Variants in THSD7B observed in about 807,000 individuals in gnomAD.
THSD7B encodes the protein thrombospondin type 1 domain containing 7B.
Under a neutral mutation model 213.6 loss-of-function variants are expected in THSD7B, and 138 were observed. The observed-to-expected ratio is 0.65, with a 90% CI of 0.56 to 0.74. The LOEUF (loss-of-function observed/expected upper bound fraction) is 0.74, where lower values mean the gene tolerates loss of function less well. Among genes scored for constraint, THSD7B ranks in the 30% least tolerant of loss-of-function variants. The pLI is 0.00. For missense variants in THSD7B, 1,931 were observed against 1,991.5 expected, an observed-to-expected ratio of 0.97 and a Z score of 0.58; for synonymous variants, 742 against 687.0, an observed-to-expected ratio of 1.08 and a Z score of -1.25.
intron 6 of THSD7B, among the ~76,000 whole-genome samples, chr2:137,160,632 T>A (rs1209337248): frequency 2.6e-5 from 4 of 152,168 alleles, no homozygotes; most frequent in Non-Finnish European, 4.4e-5. Flanking sequence ...TTTGTTTTGT[T>A]TTGTTTTCCA....
At chr2:137,237,697 G>A (rs940764370) in intron 9 of THSD7B, among the ~76,000 whole-genome samples, 4 of 152,144 alleles carry the variant, frequency 2.6e-5, no homozygotes, top group Non-Finnish European at 5.9e-5. Flanking sequence ...GGAGAACCTA[G>A]GTTCCTAATA....
intron 14 of THSD7B, among the ~76,000 whole-genome samples, chr2:137,430,636 C>T (rs1314839078): frequency 6.6e-6 from 1 of 152,232 alleles, no homozygotes; most frequent in African/African-American, 2.4e-5. Context: ...GCTGTCAAGA[C>T]ATTGCCGCTT....
At chr2:137,438,781 C>T (rs186201783) in intron 14 of THSD7B, among the ~76,000 whole-genome samples, 8 of 152,120 alleles carry the variant, frequency 5.3e-5, no homozygotes, top group Admixed American at 4.6e-4. Flanking sequence ...AATTTTGTCC[C>T]CACAAAAGAT....
chr2:137,288,515 A>G (rs924251113), intron 12 of THSD7B, among the ~76,000 whole-genome samples: 4 of 152,062 alleles, frequency 2.6e-5, no homozygotes, highest in Admixed American at 6.6e-5. Context: ...TTGAGAGCCT[A>G]TAACAGAAGA....
chr2:137,303,472 CTTTAT>C (rs1683657205), intron 12 of THSD7B, among the ~76,000 whole-genome samples: 1 of 151,080 alleles, frequency 6.6e-6, no homozygotes, highest in South Asian at 2.1e-4. Flanking sequence ...ATTTCAAATG[CTTTAT>C]TTTATTTTAA....
chr2:136,989,159 C>G (rs149093286), intron 2 of THSD7B, among the ~76,000 whole-genome samples: 1 of 152,244 alleles, frequency 6.6e-6, no homozygotes, highest in Admixed American at 6.5e-5. Context: ...GATGGGTATT[C>G]CCAGTAGAAG....
intron 15 of THSD7B, among the ~76,000 whole-genome samples, chr2:137,470,330 T>C (rs945455343): frequency 6.6e-6 from 1 of 152,202 alleles, no homozygotes; most frequent in African/African-American, 2.4e-5. Flanking sequence ...TTGTCCTTAC[T>C]ATACTTGCTG....
intron 1 of THSD7B, among the ~76,000 whole-genome samples, chr2:136,824,368 C>G (rs192381325): frequency 3.3e-5 from 5 of 151,722 alleles, no homozygotes; most frequent in Admixed American, 3.3e-4. Flanking sequence ...TATAAGCTCC[C>G]TTTGATTATT....
At chr2:137,094,743 T>G (rs1255363615) in intron 3 of THSD7B, 130 bp from the exon 4 acceptor site, 1 of 1,197,358 alleles carries the variant, frequency 8.4e-7, no homozygotes, top group Non-Finnish European at 1.2e-6. Flanking sequence ...GTCTCTAAAA[T>G]TTTTTAAAAA....
intron 7 of THSD7B, among the ~76,000 whole-genome samples, chr2:137,210,966 A>G (rs933206948): frequency 6.6e-6 from 1 of 152,048 alleles, no homozygotes; most frequent in Admixed American, 6.6e-5. Context: ...AAATGTATTC[A>G]TAATAGAGCT....
At chr2:136,890,541 C>CTTT (rs778818497) in intron 2 of THSD7B, among the ~76,000 whole-genome samples, 2 of 49,868 alleles carry the variant, frequency 4.0e-5, no homozygotes, top group African/African-American at 1.6e-4. Flanking sequence ...TCTTCTTCTT[C>CTTT]TTTTTTTTTT....
At chr2:137,326,584 G>A (rs1036779704) in intron 12 of THSD7B, among the ~76,000 whole-genome samples, 10 of 152,242 alleles carry the variant, frequency 6.6e-5, no homozygotes, top group Non-Finnish European at 8.8e-5. Flanking sequence ...TTAAAAACTC[G>A]TGAAATCTAC....
At chr2:137,489,023 A>G (rs777446172) in intron 15 of THSD7B, among the ~76,000 whole-genome samples, 39 of 152,206 alleles carry the variant, frequency 2.6e-4, no homozygotes, top group Admixed American at 4.6e-4. Flanking sequence ...TTAATTTTCT[A>G]TACTTATTGA....
intron 15 of THSD7B, among the ~76,000 whole-genome samples, chr2:137,486,265 G>A (rs1267159456): frequency 6.6e-6 from 1 of 151,458 alleles, no homozygotes; most frequent in Non-Finnish European, 1.5e-5. Flanking sequence ...CACGTGCAGA[G>A]ACACACATAG....
At chr2:137,306,657 C>T (rs1373569817) in intron 12 of THSD7B, among the ~76,000 whole-genome samples, 1 of 151,934 alleles carries the variant, frequency 6.6e-6, no homozygotes, top group East Asian at 1.9e-4. Context: ...TTCATGCTGT[C>T]CTGTCTTTTT....
At chr2:136,950,141 A>T (rs1371481065) in intron 2 of THSD7B, among the ~76,000 whole-genome samples, 2 of 152,162 alleles carry the variant, frequency 1.3e-5, no homozygotes, top group Non-Finnish European at 2.9e-5. Context: ...AGTCCCAGCT[A>T]CTTGGGAGGC....
chr2:137,252,275 A>AAAC (rs1376091475), intron 10 of THSD7B, among the ~76,000 whole-genome samples: 2 of 150,594 alleles, frequency 1.3e-5, no homozygotes, highest in African/African-American at 4.9e-5. Flanking sequence ...TCAAAAAAAA[A>AAAC]AAAAAAAAAA....
intron 15 of THSD7B, among the ~76,000 whole-genome samples, chr2:137,460,834 A>C (rs772474258): frequency 6.6e-6 from 1 of 152,110 alleles, no homozygotes; most frequent in Non-Finnish European, 1.5e-5. Flanking sequence ...TCAATATATC[A>C]GATGACCCCT....
At chr2:137,151,981 C>A (rs1679827864) in intron 5 of THSD7B, among the ~76,000 whole-genome samples, 1 of 150,470 alleles carries the variant, frequency 6.6e-6, no homozygotes, top group Non-Finnish European at 1.5e-5. Flanking sequence ...GTTGCCACTC[C>A]TTCCCCAGTT....
Sources: gnomAD v4.1 joint callset for allele counts (sites outside exome capture counted in the v4.1 genomes callset) on GRCh38, gnomAD v4.1.1 for gene constraint, MANE v1.5 for transcripts, NCBI Gene and HGNC (gene_info 2026-07-23, HGNC 2026-07-21) for gene names.